The following BMPR1B variants were observed in gnomAD, a reference collection of about 807,000 sequenced individuals.
BMPR1B encodes bone morphogenetic protein receptor type 1B.
Under a neutral mutation model 59.1 loss-of-function variants are expected in BMPR1B, and 12 were observed. The ratio of observed to expected loss-of-function variants is 0.20; its 90% CI spans 0.13 to 0.33. BMPR1B has a LOEUF of 0.33. BMPR1B is among the 10% of genes least tolerant of loss of function. The probability of loss-of-function intolerance (pLI) is 1.00; values close to 1 mark genes in which losing one functional copy is unlikely to be tolerated. For missense variants in BMPR1B, 550 were observed against 610.9 expected (o/e 0.90, Z 1.05); for synonymous variants, 237 against 207.3 (o/e 1.14, Z -1.23).
At chr4:94,992,891 T>C (rs199726940) in intron 2 of BMPR1B, among the ~76,000 whole-genome samples, 21 of 137,602 alleles carry the variant, frequency 1.5e-4, no homozygotes, top group South Asian at 4.9e-4. Context: ...TCTTTTTTTT[T>C]CCCCCTAAAG....
intron 1 of BMPR1B, among the ~76,000 whole-genome samples, chr4:94,808,844 C>T (rs1315282181): frequency 6.6e-6 from 1 of 152,102 alleles, no homozygotes; most frequent in Non-Finnish European, 1.5e-5. Context: ...ATCACAAAGT[C>T]AGGAGTTTGA....
intron 1 of BMPR1B, among the ~76,000 whole-genome samples, chr4:94,865,813 A>C (rs1362621006): frequency 6.6e-6 from 1 of 152,202 alleles, no homozygotes; most frequent in Non-Finnish European, 1.5e-5. Context: ...AACAACATGC[A>C]TTACATAACA....
chr4:95,010,323 G>A (rs1018118123), intron 3 of BMPR1B, among the ~76,000 whole-genome samples: 3 of 152,128 alleles, frequency 2.0e-5, no homozygotes, highest in East Asian at 1.9e-4. Context: ...ATTGATGTGT[G>A]TTTTCTCATT....
rs190667672 is a variant in BMPR1B at position 95,145,317 on chromosome 4, T to A, written c.1077-3431T>A. Among the ~76,000 whole-genome samples, 210 of 152,348 alleles carry A rather than the reference T, an allele frequency of 1.4e-3. 1 individual carries two copies. The East Asian group carries it at 0.034, about 24-fold the overall frequency. On this transcript the variant is annotated intron_variant, in intron 10 of 12. Transcript: ENST00000515059. ...TGCGTGGGGTTGGAATTATTGTCTC[T>A]GAGTCTACAGCCCTTGTGCAGTATC...
chr4:94,918,605 G>A (rs184022951), intron 2 of BMPR1B, among the ~76,000 whole-genome samples: 311 of 152,084 alleles, frequency 2.0e-3, no homozygotes, highest in Admixed American at 4.8e-3. Flanking sequence ...GAGCCCAGGA[G>A]TTTGAGGCTG....
chr4:95,150,185 T>G (rs894052239), intron 11 of BMPR1B, among the ~76,000 whole-genome samples: 1 of 152,164 alleles, frequency 6.6e-6, no homozygotes, highest in African/African-American at 2.4e-5. Context: ...CTCTCTGAAG[T>G]GAGGGAACTA....
intron 2 of BMPR1B, among the ~76,000 whole-genome samples, chr4:94,890,942 G>A (rs540123037): frequency 2.0e-5 from 3 of 152,138 alleles, no homozygotes; most frequent in African/African-American, 7.2e-5. Context: ...TAAAGGAAAG[G>A]ACCAACATTG....
intron 2 of BMPR1B, among the ~76,000 whole-genome samples, chr4:94,921,075 G>C (rs756998964): frequency 6.6e-6 from 1 of 152,070 alleles, no homozygotes; most frequent in African/African-American, 2.4e-5. Context: ...TTAACAAAGA[G>C]CTGTAGTGGT....
intron 1 of BMPR1B, among the ~76,000 whole-genome samples, chr4:94,758,915 A>C (rs1345374630): frequency 4.8e-5 from 5 of 104,180 alleles, no homozygotes; most frequent in Non-Finnish European, 9.9e-5. Context: ...ACTTTCGCAC[A>C]ATCTTTTGGT....
intron 3 of BMPR1B, among the ~76,000 whole-genome samples, chr4:95,063,231 T>C (rs1207193848): frequency 6.6e-6 from 1 of 152,204 alleles, no homozygotes; most frequent in African/African-American, 2.4e-5. Flanking sequence ...ATTCCATTTG[T>C]GGTTTTACAA....
At chr4:95,014,399 A>C (rs1723433388) in intron 3 of BMPR1B, among the ~76,000 whole-genome samples, 1 of 152,214 alleles carries the variant, frequency 6.6e-6, no homozygotes, top group South Asian at 2.1e-4. Flanking sequence ...TCTAGGGTTT[A>C]ACTACCATTA....
chr4:95,105,627 G>A (rs77759430), intron 4 of BMPR1B, among the ~76,000 whole-genome samples: 2,957 of 152,052 alleles, frequency 0.019, 96 homozygotes, highest in African/African-American at 0.063. Flanking sequence ...AAACCTGGGT[G>A]TATTCATAAA....
intron 3 of BMPR1B, among the ~76,000 whole-genome samples, chr4:95,077,704 G>T (rs563438317): frequency 6.6e-6 from 1 of 152,106 alleles, no homozygotes; most frequent in African/African-American, 2.4e-5. Context: ...TATCATGGAA[G>T]AACTGAGGTA....
In BMPR1B at chr4:95,155,999, A is replaced by G. The variant is rs1379227213; in HGVS notation, c.*1326A>G. On this transcript the variant is annotated 3_prime_UTR_variant, in exon 13 of 13. Coordinates refer to ENST00000515059, the MANE Select transcript of BMPR1B (RefSeq NM_001203.3). ...TGTATATCTTAGGTGATCATTTCAC[A>G]TCTTAGGAATGCCTACTCATTTTAT... The G allele has an allele frequency of 2.0e-5, 3 of 152,166 alleles. No individual in the cohort carries two copies. The highest frequency in any genetic ancestry group is 4.4e-5 in the Non-Finnish European group (3 of 68,022). The allele number at this position is 152,166 out of a possible 1,614,324, so 9.4% of individuals were successfully genotyped here. A position where few individuals can be genotyped will look rare whatever the true frequency, so the allele number is the denominator to read the frequency against.
intron 11 of BMPR1B, 122 bp from the exon 12 acceptor site, chr4:95,152,521 T>G: frequency 1.2e-6 from 1 of 826,816 alleles, no homozygotes; most frequent in Non-Finnish European, 1.7e-6. Flanking sequence ...ATTTTGCTAT[T>G]TTTCTGCCTG....
chr4:94,790,818 A>G (rs1722956007), intron 1 of BMPR1B, among the ~76,000 whole-genome samples: 1 of 152,034 alleles, frequency 6.6e-6, no homozygotes. Flanking sequence ...ACCTCTTGTT[A>G]TTTTTATCAC....
At chr4:94,970,228 G>T (rs1287590382) in intron 2 of BMPR1B, among the ~76,000 whole-genome samples, 1 of 147,852 alleles carries the variant, frequency 6.8e-6, no homozygotes, top group South Asian at 2.2e-4. Context: ...TCTTACTTCA[G>T]CTGTTTGTTT....
At chr4:95,124,868 A>G in intron 7 of BMPR1B, 115 bp from the exon 8 acceptor site, 1 of 930,398 alleles carries the variant, frequency 1.1e-6, no homozygotes, top group South Asian at 1.5e-5. Flanking sequence ...GAAGCATTTA[A>G]TGTATTATAT....
intron 3 of BMPR1B, among the ~76,000 whole-genome samples, chr4:95,072,823 T>C (rs532804300): frequency 1.1e-4 from 17 of 152,290 alleles, no homozygotes; most frequent in African/African-American, 3.8e-4. Context: ...ATTAATCATT[T>C]TTAATTAAAA....
Sources: gnomAD v4.1 joint callset for allele counts (sites outside exome capture counted in the v4.1 genomes callset) on GRCh38, gnomAD v4.1.1 for gene constraint, MANE v1.5 for transcripts, NCBI Gene and HGNC (gene_info 2026-07-23, HGNC 2026-07-21) for gene names.